Variants in EPS15L1 observed in about 807,000 individuals in gnomAD.
EPS15L1 encodes epidermal growth factor receptor pathway substrate 15 like 1, also known as epidermal growth factor receptor substrate 15-like 1.
In EPS15L1, 43 loss-of-function variants were observed where a neutral mutation model predicts 117.1. That is an observed-to-expected ratio of 0.37 (90% CI 0.29 to 0.47). EPS15L1 has a LOEUF of 0.47. Among genes scored for constraint, EPS15L1 ranks in the 20% least tolerant of loss-of-function variants. The pLI, the probability that EPS15L1 is intolerant of heterozygous loss-of-function variation, is 0.99. For missense variants in EPS15L1, 981 were observed against 1,164.0 expected (o/e 0.84, Z 2.29); for synonymous variants, 459 against 470.5 (o/e 0.98, Z 0.32).
chr19:16,462,703 T>C (rs1164181204), intron 1 of EPS15L1, among the ~76,000 whole-genome samples: 1 of 151,634 alleles, frequency 6.6e-6, no homozygotes, highest in Non-Finnish European at 1.5e-5. Flanking sequence ...ATCAGGGAAG[T>C]GGGACTCTGA....
At chr19:16,393,400 C>A (rs2092501896) in intron 18 of EPS15L1, among the ~76,000 whole-genome samples, 1 of 151,806 alleles carries the variant, frequency 6.6e-6, no homozygotes, top group East Asian at 1.9e-4. Context: ...GTCATCCCAG[C>A]ACTTTGGGAG....
In EPS15L1 at chr19:16,399,528, C is replaced by T. The variant is rs377099899; in HGVS notation, c.1791+2793G>A. On this transcript the variant is annotated intron_variant, in intron 16 of 23. Coordinates refer to ENST00000455140, the MANE Select transcript of EPS15L1 (RefSeq NM_001258374.3). ...GACATTCCCGCCCTTTAGAGGAGTG[C>T]TGGGCAGCAGGGGTGTGCTGGGAAT... Among the ~76,000 whole-genome samples the T allele has an allele frequency of 1.4e-4, 21 of 152,178 alleles. No individual in the cohort carries two copies. In the East Asian group the frequency reaches 1.9e-3, roughly 14 times the overall value.
At chr19:16,379,509 T>C (rs2092336369) in intron 21 of EPS15L1, among the ~76,000 whole-genome samples, 3 of 152,228 alleles carry the variant, frequency 2.0e-5, no homozygotes, top group South Asian at 4.1e-4. Context: ...AGATTGCAGA[T>C]GTGGGGGAAA....
At chr19:16,378,213 G>A (rs568029185) in intron 21 of EPS15L1, among the ~76,000 whole-genome samples, 1 of 152,142 alleles carries the variant, frequency 6.6e-6, no homozygotes, top group South Asian at 2.1e-4. Flanking sequence ...TAGGTAGGTA[G>A]GTAGGCACTT....
intron 22 of EPS15L1, among the ~76,000 whole-genome samples, chr19:16,364,908 G>A (rs1397753812): frequency 6.6e-6 from 1 of 152,212 alleles, no homozygotes; most frequent in Non-Finnish European, 1.5e-5. Flanking sequence ...CAGCAAAGTG[G>A]CCTCAACACA....
At chr19:16,437,333 A>T (rs1197989456) in intron 5 of EPS15L1, among the ~76,000 whole-genome samples, 1 of 152,266 alleles carries the variant, frequency 6.6e-6, no homozygotes, top group Non-Finnish European at 1.5e-5. Context: ...ACACTGATCC[A>T]TTCTACAACA....
chr19:16,375,178 G>C (rs1435507735), intron 22 of EPS15L1, among the ~76,000 whole-genome samples: 1 of 152,248 alleles, frequency 6.6e-6, no homozygotes, highest in Non-Finnish European at 1.5e-5. Flanking sequence ...GCATGGGAGA[G>C]TGCGTGTGTG....
At chr19:16,391,912 G>C (rs2092479831) in intron 19 of EPS15L1, among the ~76,000 whole-genome samples, 1 of 152,082 alleles carries the variant, frequency 6.6e-6, no homozygotes, top group Non-Finnish European at 1.5e-5. Context: ...AGGGTGGCCG[G>C]GTCCATGCGA....
At chr19:16,461,818 C>T (rs1020055161) in intron 1 of EPS15L1, among the ~76,000 whole-genome samples, 1 of 152,164 alleles carries the variant, frequency 6.6e-6, no homozygotes, top group Non-Finnish European at 1.5e-5. Context: ...CTCGAGCAGG[C>T]GGCTCTGGGC....
At chr19:16,462,531 C>T (rs1345024725) in intron 1 of EPS15L1, among the ~76,000 whole-genome samples, 1 of 152,148 alleles carries the variant, frequency 6.6e-6, no homozygotes, top group Non-Finnish European at 1.5e-5. Flanking sequence ...ATTAGCCAGG[C>T]TTGGTGGTGT....
intron 19 of EPS15L1, 70 bp from the exon 20 acceptor site, chr19:16,386,301 C>T (rs1285277949): frequency 2.4e-6 from 3 of 1,232,856 alleles, no homozygotes; most frequent in Non-Finnish European, 2.4e-6. Context: ...TTCAACCAGA[C>T]CTTCCTGACG....
chr19:16,401,717 C>T (rs2092603354), intron 16 of EPS15L1: 1 of 985,480 alleles, frequency 1.0e-6, no homozygotes, highest in South Asian at 4.7e-5. Context: ...CGACAGTCCC[C>T]TGCCCCAGGC....
intron 1 of EPS15L1, among the ~76,000 whole-genome samples, chr19:16,463,790 T>C (rs2093275418): frequency 6.6e-6 from 1 of 152,214 alleles, no homozygotes; most frequent in Non-Finnish European, 1.5e-5. Context: ...GTAACAGAGA[T>C]GCTGGGCCAG....
chr19:16,401,916 A>G, intron 16 of EPS15L1: 1 of 1,005,886 alleles, frequency 9.9e-7, no homozygotes, highest in African/African-American at 1.7e-5. Flanking sequence ...ACATACACAT[A>G]GACACATGCC....
At chr19:16,385,670 C>T (rs2092412839) in intron 20 of EPS15L1, among the ~76,000 whole-genome samples, 1 of 152,130 alleles carries the variant, frequency 6.6e-6, no homozygotes, top group South Asian at 2.1e-4. Context: ...ACACTGCTAC[C>T]CGCCCCACGC....
At chr19:16,395,492 C>T in intron 16 of EPS15L1, 25 bp from the exon 17 acceptor site, 1 of 1,609,484 alleles carries the variant, frequency 6.2e-7, no homozygotes, top group Non-Finnish European at 8.5e-7. Flanking sequence ...AGAAACAGGA[C>T]AGGGATTTTA....
At chr19:16,452,375 G>A (rs2093153862) in intron 1 of EPS15L1, among the ~76,000 whole-genome samples, 2 of 151,844 alleles carry the variant, frequency 1.3e-5, no homozygotes, top group African/African-American at 4.8e-5. Context: ...GAACCCGGGA[G>A]GCAGAGTTTG....
intron 16 of EPS15L1, chr19:16,400,681 C>T (rs890442004): frequency 1.6e-5 from 16 of 985,304 alleles, no homozygotes; most frequent in East Asian, 1.1e-4. Context: ...GTTTTTCTTT[C>T]GGATGCCAGT....
At chr19:16,394,411 A>T (rs1271246324) in intron 17 of EPS15L1, among the ~76,000 whole-genome samples, 1 of 148,608 alleles carries the variant, frequency 6.7e-6, no homozygotes, top group Non-Finnish European at 1.5e-5. Flanking sequence ...TGCAGCAATG[A>T]GGCGGCGGCA....
Sources: allele counts gnomAD v4.1 joint callset (sites outside exome capture counted in the v4.1 genomes callset), GRCh38; gene constraint gnomAD v4.1.1; transcripts MANE v1.5; gene names NCBI Gene and HGNC (gene_info 2026-07-23, HGNC 2026-07-21).